GABRG3: variants seen among roughly 807,000 people sequenced by gnomAD.
GABRG3 encodes gamma-aminobutyric acid receptor subunit gamma-3.
A neutral mutation model predicts 48.8 loss-of-function variants in GABRG3; 25 were observed. The ratio of observed to expected loss-of-function variants is 0.51; its 90% CI spans 0.37 to 0.72. The LOEUF is 0.72. Among genes scored for constraint, GABRG3 ranks in the 30% least tolerant of loss-of-function variants. The pLI, the probability that GABRG3 is intolerant of heterozygous loss-of-function variation, is 0.00. For synonymous variants in GABRG3, 227 were observed against 217.6 expected (o/e 1.04, Z -0.38); for missense variants, 394 against 577.9 (o/e 0.68, Z 3.26).
chr15:27,240,961 T>G (rs1041593330), intron 3 of GABRG3, among the ~76,000 whole-genome samples: 2 of 152,220 alleles, frequency 1.3e-5, no homozygotes, highest in African/African-American at 2.4e-5. Flanking sequence ...AAAATGGAAA[T>G]GTTCTTACTG....
At chr15:27,317,603 AT>A (rs892998773) in intron 3 of GABRG3, among the ~76,000 whole-genome samples, 1 of 151,998 alleles carries the variant, frequency 6.6e-6, no homozygotes, top group Non-Finnish European at 1.5e-5. Context: ...CAGTCTAAAT[AT>A]TTTTTTTAAA....
chr15:27,071,818 G>A (rs1033881866), intron 3 of GABRG3, among the ~76,000 whole-genome samples: 9 of 152,224 alleles, frequency 5.9e-5, no homozygotes, highest in African/African-American at 2.2e-4. Context: ...TCTTAAGCTT[G>A]AAGATTGTAT....
chr15:27,492,596 C>T (rs184089522), intron 6 of GABRG3, among the ~76,000 whole-genome samples: 1 of 152,312 alleles, frequency 6.6e-6, no homozygotes, highest in East Asian at 1.9e-4. Context: ...CAGTGTATTC[C>T]AGGGAATCAA....
At chr15:27,127,405 T>A (rs1328633596) in intron 3 of GABRG3, among the ~76,000 whole-genome samples, 3 of 134,670 alleles carry the variant, frequency 2.2e-5, no homozygotes, top group Non-Finnish European at 4.6e-5. Flanking sequence ...GTCAAATTCA[T>A]AGAGACAGAA....
chr15:27,001,888 G>GTTTCTTTTTTTTTTTTTTT (rs1555397292), intron 2 of GABRG3, among the ~76,000 whole-genome samples: 1 of 121,230 alleles, frequency 8.2e-6, no homozygotes, highest in Non-Finnish European at 1.7e-5. Context: ...CCATAACTCA[G>GTTTCTTTTTTTTTTTTTTT]TTTTTTTTTT....
intron 3 of GABRG3, among the ~76,000 whole-genome samples, chr15:27,291,763 G>A (rs912623463): frequency 1.3e-5 from 2 of 152,178 alleles, no homozygotes; most frequent in South Asian, 4.1e-4. Context: ...AACCCACATG[G>A]TTTGACTACA....
At chr15:27,277,493 T>C (rs999214723) in intron 3 of GABRG3, among the ~76,000 whole-genome samples, 7 of 152,230 alleles carry the variant, frequency 4.6e-5, no homozygotes, top group Non-Finnish European at 7.3e-5. Context: ...TGAGAATCAA[T>C]GATGCCTAAC....
At chr15:27,503,894 G>A (rs2150855490) in intron 6 of GABRG3, among the ~76,000 whole-genome samples, 1 of 152,208 alleles carries the variant, frequency 6.6e-6, no homozygotes, top group East Asian at 1.9e-4. Context: ...TTTTTATCTT[G>A]TGGCACTGAC....
chr15:27,093,700 CAA>C (rs1319433843), intron 3 of GABRG3, among the ~76,000 whole-genome samples: 2 of 152,026 alleles, frequency 1.3e-5, no homozygotes, highest in Non-Finnish European at 2.9e-5. Flanking sequence ...TTTGGGCACT[CAA>C]GATAGAAACC....
intron 3 of GABRG3, among the ~76,000 whole-genome samples, chr15:27,075,478 C>G (rs949963205): frequency 1.3e-5 from 2 of 152,148 alleles, no homozygotes; most frequent in African/African-American, 4.8e-5. Context: ...TAAAATTTAT[C>G]CTCAATCTAG....
chr15:27,112,919 A>G (rs960490762), intron 3 of GABRG3, among the ~76,000 whole-genome samples: 1 of 152,212 alleles, frequency 6.6e-6, no homozygotes, highest in African/African-American at 2.4e-5. Context: ...CCCTTACAAC[A>G]TGGAAACTTT....
chr15:27,265,197 A>C (rs924126483), intron 3 of GABRG3, among the ~76,000 whole-genome samples: 1 of 152,142 alleles, frequency 6.6e-6, no homozygotes, highest in African/African-American at 2.4e-5. Flanking sequence ...AATCTCACCA[A>C]TACAAACCTA....
chr15:27,138,989 G>C (rs1486687822), intron 3 of GABRG3, among the ~76,000 whole-genome samples: 1 of 151,906 alleles, frequency 6.6e-6, no homozygotes, highest in Non-Finnish European at 1.5e-5. Flanking sequence ...GACCCAACAG[G>C]GGATGGGTGG....
At chr15:27,101,076 A>G (rs73371633) in intron 3 of GABRG3, among the ~76,000 whole-genome samples, 1 of 152,346 alleles carries the variant, frequency 6.6e-6, no homozygotes, top group African/African-American at 2.4e-5. Flanking sequence ...CAAGGAATCT[A>G]CCAGATAATC....
At chr15:26,985,111 A>G (rs1344096651) in intron 2 of GABRG3, among the ~76,000 whole-genome samples, 1 of 152,244 alleles carries the variant, frequency 6.6e-6, no homozygotes, top group Non-Finnish European at 1.5e-5. Flanking sequence ...AGCTGGTTGC[A>G]TGGTGAGGAG....
intron 3 of GABRG3, among the ~76,000 whole-genome samples, chr15:27,152,011 A>G (rs957072401): frequency 6.6e-6 from 1 of 152,222 alleles, no homozygotes. Flanking sequence ...ATTTTGATGA[A>G]GTCTAACCTG....
chr15:27,262,998 C>A (rs1287245490), intron 3 of GABRG3, among the ~76,000 whole-genome samples: 1 of 152,172 alleles, frequency 6.6e-6, no homozygotes, highest in Admixed American at 6.5e-5. Context: ...ATCAACCGGA[C>A]TCTCATTCCC....
chr15:27,062,719 C>G (rs1210988273), intron 3 of GABRG3, among the ~76,000 whole-genome samples: 1 of 152,116 alleles, frequency 6.6e-6, no homozygotes, highest in East Asian at 1.9e-4. Context: ...GTGAACAATC[C>G]TTTAACCAGA....
intron 5 of GABRG3, among the ~76,000 whole-genome samples, chr15:27,366,637 T>G (rs1483689653): frequency 6.6e-6 from 1 of 152,124 alleles, no homozygotes; most frequent in Non-Finnish European, 1.5e-5. Context: ...AAGCTGTGTC[T>G]TCACGGGGGT....
Sources: gnomAD v4.1 joint callset for allele counts (sites outside exome capture counted in the v4.1 genomes callset) on GRCh38, gnomAD v4.1.1 for gene constraint, MANE v1.5 for transcripts, NCBI Gene and HGNC (gene_info 2026-07-23, HGNC 2026-07-21) for gene names.